The following FBXW4 variants were observed in gnomAD, a reference collection of about 807,000 sequenced individuals.
The protein encoded by FBXW4 is F-box and WD repeat domain containing 4, also known as F-box/WD repeat-containing protein 4.
FBXW4 carries 40 observed loss-of-function variants against 61.8 expected under a neutral mutation model. The observed-to-expected ratio is 0.65, with a 90% CI of 0.50 to 0.84. The LOEUF (loss-of-function observed/expected upper bound fraction) is 0.84, where lower values mean the gene tolerates loss of function less well. FBXW4 is among the 40% of genes least tolerant of loss of function. FBXW4 has a pLI of 0.00. For missense variants in FBXW4, 672 were observed against 753.8 expected (o/e 0.89, Z 1.27); for synonymous variants, 311 against 313.8 (o/e 0.99, Z 0.10).
intron 5 of FBXW4, among the ~76,000 whole-genome samples, chr10:101,654,700 C>T (rs184625996): frequency 3.3e-5 from 5 of 152,242 alleles, no homozygotes; most frequent in Admixed American, 3.3e-4. Flanking sequence ...TCTGCTATGA[C>T]ATCTTTTGGT....
chr10:101,611,508 G>A lies in FBXW4; in HGVS notation c.1585-98C>T. 1 of 1,568,120 alleles carries A rather than the reference G, an allele frequency of 6.4e-7. No homozygotes were observed. The highest frequency in any genetic ancestry group is 8.7e-7 in the Non-Finnish European group (1 of 1,153,690). ...CAGGCCCAGGGGAAGAGGGACGTGT[G>A]CCATTGTAGGCTTCTTCCAACCCTT... On this transcript the variant is annotated intron_variant, in intron 8 of 8. Transcript: ENST00000331272. This position sits in a 1 kb window ranked among gnomAD's most constrained non-coding sequence, Gnocchi z 4.9.
intron 5 of FBXW4, among the ~76,000 whole-genome samples, chr10:101,662,568 G>A (rs1377058624): frequency 2.0e-5 from 3 of 152,188 alleles, no homozygotes; most frequent in Admixed American, 2.0e-4. Flanking sequence ...GACAGAAGCG[G>A]GAGAGAAGGG....
chr10:101,665,413 G>T (rs2064288499), intron 5 of FBXW4, among the ~76,000 whole-genome samples: 2 of 152,112 alleles, frequency 1.3e-5, no homozygotes, highest in African/African-American at 2.4e-5. Context: ...AGACCAGCCT[G>T]GGTAACACTG....
intron 5 of FBXW4, among the ~76,000 whole-genome samples, chr10:101,643,637 T>A (rs571681629): frequency 4.6e-5 from 7 of 151,828 alleles, no homozygotes; most frequent in African/African-American, 1.7e-4. Flanking sequence ...CCCACAGGGG[T>A]CTCTTTACCT....
chr10:101,624,682 G>C, intron 6 of FBXW4, 63 bp downstream of exon 6: 1 of 1,582,354 alleles, frequency 6.3e-7, no homozygotes, highest in Non-Finnish European at 8.7e-7. Context: ...GGCAGAGGCT[G>C]GCTCAGCAAG....
At chr10:101,637,478 C>T (rs78749696) in intron 5 of FBXW4, among the ~76,000 whole-genome samples, 3 of 148,492 alleles carry the variant, frequency 2.0e-5, no homozygotes, top group Non-Finnish European at 3.0e-5. Context: ...GAGACCAAGG[C>T]GGGCAGATCA....
At chr10:101,618,376 G>T (rs986243201) in intron 6 of FBXW4, among the ~76,000 whole-genome samples, 4 of 152,320 alleles carry the variant, frequency 2.6e-5, no homozygotes, top group Admixed American at 2.0e-4. Context: ...TGTTTATATT[G>T]AAGAGCGAGC....
At chr10:101,684,395 GGATTACAGGCGT>G (rs2064511075) in intron 1 of FBXW4, among the ~76,000 whole-genome samples, 1 of 152,180 alleles carries the variant, frequency 6.6e-6, no homozygotes, top group Non-Finnish European at 1.5e-5. Context: ...CAAAGTGCTG[GGATTACAGGCGT>G]GAGCCACTGC....
Position 101,665,217 on chromosome 10 carries a change from C to T in FBXW4, c.1235+2669G>A, listed in dbSNP as rs989120731. On this transcript the variant is annotated intron_variant, in intron 5 of 8. Coordinates refer to ENST00000331272, the MANE Select transcript of FBXW4 (RefSeq NM_022039.4). ...AGAGAAAAAGAGGCAGAGATAACAC[C>T]GGCATACACTCTGGTCATCTAGTGT... 7.0e-4 allele frequency among the ~76,000 whole-genome samples: 106 copies of T among 152,042 alleles called. 2 individuals are homozygous for T. The highest frequency in any genetic ancestry group is 2.5e-3 in the African/African-American group (103 of 41,378).
At chr10:101,683,501 GC>G (rs1408644885) in intron 1 of FBXW4, among the ~76,000 whole-genome samples, 44 of 152,114 alleles carry the variant, frequency 2.9e-4, no homozygotes, top group African/African-American at 9.7e-4. Context: ...AAGCTATCTG[GC>G]CCCTTCAAAT....
chr10:101,676,302 TG>T (rs1358442782), intron 2 of FBXW4, 38 bp downstream of exon 2: 31 of 1,563,256 alleles, frequency 2.0e-5, no homozygotes, highest in Non-Finnish European at 2.3e-5. Flanking sequence ...TATGCTTTTA[TG>T]TCCCAAGTAG....
rs151291220 is a variant in FBXW4, at chr10:101,639,465, C to T, written c.1236-14655G>A. 2.4e-4 allele frequency among the ~76,000 whole-genome samples: 36 copies of T among 152,338 alleles called. No homozygotes were observed. The East Asian group carries it at 3.9e-3, about 16-fold the overall frequency. ...AGCTCAGTCACCATTCACATAGACA[C>T]TTTGGGACTGGACATCATGGAGTCA... On this transcript the variant is annotated intron_variant, in intron 5 of 8. Coordinates refer to ENST00000331272, the MANE Select transcript of FBXW4 (RefSeq NM_022039.4).
chr10:101,650,765 A>G (rs945460559), intron 5 of FBXW4, among the ~76,000 whole-genome samples: 1 of 152,212 alleles, frequency 6.6e-6, no homozygotes, highest in Non-Finnish European at 1.5e-5. Flanking sequence ...GCCCTGCAAG[A>G]CAAAGACTTG....
chr10:101,680,452 A>G (rs947367468), intron 1 of FBXW4, among the ~76,000 whole-genome samples: 4 of 152,192 alleles, frequency 2.6e-5, no homozygotes, highest in Non-Finnish European at 4.4e-5. Context: ...TGTAGATATA[A>G]GTTTTCTCTC....
At chr10:101,643,657 G>A (rs1330701324) in intron 5 of FBXW4, among the ~76,000 whole-genome samples, 1 of 152,100 alleles carries the variant, frequency 6.6e-6, no homozygotes, top group East Asian at 1.9e-4. Flanking sequence ...TAAACTTACT[G>A]GGCAGTTGTG....
At chr10:101,669,326 A>G (rs1026327727) in intron 4 of FBXW4, among the ~76,000 whole-genome samples, 33 of 152,038 alleles carry the variant, frequency 2.2e-4, no homozygotes, top group African/African-American at 7.7e-4. Context: ...TTTCCAATGT[A>G]CTCTTTTAGG....
chr10:101,640,839 C>A (rs972044579), intron 5 of FBXW4, among the ~76,000 whole-genome samples: 17 of 145,494 alleles, frequency 1.2e-4, no homozygotes, highest in African/African-American at 4.3e-4. Context: ...CCCCCACCCC[C>A]GCCTTTTTTG....
chr10:101,672,809 C>A, intron 4 of FBXW4, 106 bp downstream of exon 4: 1 of 1,385,850 alleles, frequency 7.2e-7, no homozygotes, highest in Non-Finnish European at 9.8e-7. Context: ...GTTTTCTCCC[C>A]TGTCCCCAGA....
intron 1 of FBXW4, among the ~76,000 whole-genome samples, chr10:101,689,240 G>C (rs1021623532): frequency 6.6e-6 from 1 of 152,068 alleles, no homozygotes; most frequent in Non-Finnish European, 1.5e-5. Context: ...GAAGACATTG[G>C]GTTTCTCCAT....
Sources: gnomAD v4.1 joint callset for allele counts (sites outside exome capture counted in the v4.1 genomes callset) on GRCh38, gnomAD v4.1.1 for gene constraint, Gnocchi (gnomAD v3.1) non-coding constraint, MANE v1.5 for transcripts, NCBI Gene and HGNC (gene_info 2026-07-23, HGNC 2026-07-21) for gene names.